The following SLC44A5 variants were observed in gnomAD, a reference collection of about 807,000 sequenced individuals.
SLC44A5 encodes solute carrier family 44 member 5.
Under a neutral mutation model 101.8 loss-of-function variants are expected in SLC44A5, and 57 were observed. The observed-to-expected ratio is 0.56, with a 90% CI of 0.45 to 0.70. The LOEUF (loss-of-function observed/expected upper bound fraction) is 0.70, where lower values mean the gene tolerates loss of function less well. Among genes scored for constraint, SLC44A5 ranks in the 30% least tolerant of loss-of-function variants. SLC44A5 has a pLI of 0.00. For missense variants in SLC44A5, 737 were observed against 853.1 expected (o/e 0.86, Z 1.70); for synonymous variants, 281 against 290.9 (o/e 0.97, Z 0.35).
At chr1:75,229,309 C>T (rs1276401360) in intron 12 of SLC44A5, among the ~76,000 whole-genome samples, 1 of 152,086 alleles carries the variant, frequency 6.6e-6, no homozygotes, top group Non-Finnish European at 1.5e-5. Flanking sequence ...TACCCAAAGC[C>T]CTACATTGCC....
chr1:75,375,794 A>T (rs186762516), intron 3 of SLC44A5, among the ~76,000 whole-genome samples: 31 of 152,348 alleles, frequency 2.0e-4, no homozygotes, highest in Admixed American at 2.0e-3. Flanking sequence ...CCGAACAAGC[A>T]ATCACTAAGA....
chr1:75,661,796 A>T, the SLC44A5 span, among the ~76,000 whole-genome samples: 1 of 152,156 alleles, frequency 6.6e-6, no homozygotes, highest in African/African-American at 2.4e-5. Context: ...TCACAATGAG[A>T]TATCACCTCA....
At chr1:75,699,307 G>C in the SLC44A5 span, among the ~76,000 whole-genome samples, 1 of 151,924 alleles carries the variant, frequency 6.6e-6, no homozygotes, top group Non-Finnish European at 1.5e-5. Flanking sequence ...CGGATCTCTC[G>C]GCAGAAACTC....
At chr1:75,417,039 T>C (rs774324568) in intron 2 of SLC44A5, among the ~76,000 whole-genome samples, 2 of 152,138 alleles carry the variant, frequency 1.3e-5, no homozygotes, top group Admixed American at 1.3e-4. Flanking sequence ...TGGGAGGGCA[T>C]GATTGGTTTT....
chr1:75,679,285 A>C, the SLC44A5 span, among the ~76,000 whole-genome samples: 2 of 152,228 alleles, frequency 1.3e-5, no homozygotes, highest in Non-Finnish European at 2.9e-5. Flanking sequence ...CTCCTCGAGA[A>C]GAGCAACTCC....
Position 75,449,674 on chromosome 1 carries a change from T to C in SLC44A5, c.14-53053A>G, listed in dbSNP as rs11163420. Reference sequence around the variant, plus strand: ...AAGATCTAAGACGAGTGGTTTTTTTTCCCCAAGATAGAGGATAAGAGGCTT... The same window carrying C: ...AAGATCTAAGACGAGTGGTTTTTTTCCCCCAAGATAGAGGATAAGAGGCTT... On this transcript the variant is annotated intron_variant, in intron 2 of 23. Coordinates refer to ENST00000370859, the MANE Select transcript of SLC44A5 (RefSeq NM_001130058.2). Among the ~76,000 whole-genome samples the C allele has an allele frequency of 8.3e-3, 1,260 of 152,256 alleles. 20 individuals are homozygous for C. Among genetic ancestry groups the C allele is most frequent in the African/African-American group, 0.028 (1,182 of 41,528 alleles).
intron 1 of SLC44A5, among the ~76,000 whole-genome samples, chr1:75,581,581 T>C (rs559639435): frequency 8.5e-5 from 13 of 152,352 alleles, no homozygotes; most frequent in African/African-American, 2.6e-4. Flanking sequence ...AATAAGATGA[T>C]GTGGGAAAGG....
At chr1:75,703,348 A>T in the SLC44A5 span, among the ~76,000 whole-genome samples, 4 of 152,202 alleles carry the variant, frequency 2.6e-5, no homozygotes, top group African/African-American at 9.7e-5. Context: ...GGATGAGTTC[A>T]TGTCCTTTGT....
chr1:75,544,184 A>G (rs1052558095), intron 1 of SLC44A5, among the ~76,000 whole-genome samples: 3 of 152,150 alleles, frequency 2.0e-5, no homozygotes, highest in African/African-American at 7.2e-5. Flanking sequence ...TGCTTATAAA[A>G]GGATGAGTTT....
At chr1:75,556,163 T>G (rs1170404404) in intron 1 of SLC44A5, among the ~76,000 whole-genome samples, 1 of 152,096 alleles carries the variant, frequency 6.6e-6, no homozygotes, top group Non-Finnish European at 1.5e-5. Flanking sequence ...GATCATGATG[T>G]GAAACTTTTT....
chr1:75,599,800 ATC>A (rs1674867721), intron 1 of SLC44A5, among the ~76,000 whole-genome samples: 1 of 152,154 alleles, frequency 6.6e-6, no homozygotes, highest in Non-Finnish European at 1.5e-5. Flanking sequence ...GTGTGGTCGG[ATC>A]ATTAAGAATT....
At chr1:75,311,813 G>GC (rs1655322638) in intron 4 of SLC44A5, 1 of 152,402 alleles carries the variant, frequency 6.6e-6, no homozygotes, top group African/African-American at 2.4e-5. Flanking sequence ...ATTAAGGATG[G>GC]CCTGCATATA....
intron 4 of SLC44A5, among the ~76,000 whole-genome samples, chr1:75,306,754 A>G (rs1281426385): frequency 3.8e-5 from 1 of 26,056 alleles, no homozygotes; most frequent in African/African-American, 2.7e-4. Flanking sequence ...TTTTTTTTTG[A>G]GACGGAGTCT....
rs570462285 is a variant in SLC44A5, at chr1:75,607,861, T to C, written c.-70+3179A>G. 5.3e-5 allele frequency among the ~76,000 whole-genome samples: 8 copies of C among 152,172 alleles called. No individual in the cohort carries two copies. In the South Asian group the frequency reaches 1.2e-3, roughly 24 times the overall value. On this transcript the variant is annotated intron_variant, in intron 1 of 23. Transcript: ENST00000370859. ...AATTAAACCTCTTTCCTTTATAAGT[T>C]ACCCAATCTTGGGTATGTCTTCATT...
At chr1:75,283,375 GT>G (rs1186932533) in intron 5 of SLC44A5, among the ~76,000 whole-genome samples, 2 of 152,026 alleles carry the variant, frequency 1.3e-5, no homozygotes, top group African/African-American at 4.8e-5. Context: ...ATTTGTTTGA[GT>G]TTTTTGTGGA....
chr1:75,477,095 T>G (rs754579705), intron 2 of SLC44A5, among the ~76,000 whole-genome samples: 2 of 152,162 alleles, frequency 1.3e-5, no homozygotes, highest in Non-Finnish European at 2.9e-5. Flanking sequence ...TCGCGGTTCA[T>G]GAAAATCTGC....
intron 20 of SLC44A5, 64 bp from the exon 21 acceptor site, chr1:75,214,053 A>T: frequency 9.7e-7 from 1 of 1,028,812 alleles, no homozygotes; most frequent in Non-Finnish European, 1.5e-6. Context: ...CTTGAAATTT[A>T]TGGCAGTAAA....
the SLC44A5 span, among the ~76,000 whole-genome samples, chr1:75,709,754 T>C: frequency 3.3e-5 from 5 of 152,246 alleles, no homozygotes; most frequent in African/African-American, 9.6e-5. Context: ...TAGTTTTTTT[T>C]CTCAAAAATC....
chr1:75,240,273 C>T (rs1377044610), intron 9 of SLC44A5, among the ~76,000 whole-genome samples: 1 of 152,022 alleles, frequency 6.6e-6, no homozygotes, highest in Admixed American at 6.6e-5. Context: ...TTTAACCTTA[C>T]TTATTTCCTT....
Sources: allele counts gnomAD v4.1 joint callset (sites outside exome capture counted in the v4.1 genomes callset), GRCh38; gene constraint gnomAD v4.1.1; transcripts MANE v1.5; gene names NCBI Gene and HGNC (gene_info 2026-07-23, HGNC 2026-07-21).